Variants in FRAS1 observed in about 807,000 individuals in gnomAD.
FRAS1 encodes extracellular matrix organizing protein FRAS1.
A neutral mutation model predicts 435.2 loss-of-function variants in FRAS1; 290 were observed. The ratio of observed to expected loss-of-function variants is 0.67; its 90% CI spans 0.61 to 0.73. FRAS1 has a LOEUF of 0.73. Among genes scored for constraint, FRAS1 ranks in the 30% least tolerant of loss-of-function variants. The pLI, the probability that FRAS1 is intolerant of heterozygous loss-of-function variation, is 0.00. For synonymous variants in FRAS1, 1,800 were observed against 1,851.0 expected, an observed-to-expected ratio of 0.97 and a Z score of 0.71; for missense variants, 4,860 against 5,001.5, an observed-to-expected ratio of 0.97 and a Z score of 0.85.
At chr4:78,424,481 C>G in intron 35 of FRAS1, 61 bp downstream of exon 35, 1 of 774,170 alleles carries the variant, frequency 1.3e-6, no homozygotes, top group Non-Finnish European at 2.0e-6. Flanking sequence ...TTAGTTCTTT[C>G]TTTTTGTTCC....
chr4:78,392,988 G>A (rs1322938655), intron 29 of FRAS1, among the ~76,000 whole-genome samples: 1 of 149,448 alleles, frequency 6.7e-6, no homozygotes, highest in Non-Finnish European at 1.5e-5. Flanking sequence ...CATGATGAGT[G>A]GGAAGATTCA....
Position 78,511,466 on chromosome 4 carries a change from T to G in FRAS1, c.9973T>G (p.Leu3325Val). ...GFQAQSFIAT[L>V]KYLDVKHKEH... ...CCAGGCTCAGTCCTTCATCGCAACC[T>G]TGAAATACCTGGATGTCAAACATAA... The change falls in exon 64 of 74, where the codon TTG (leucine) becomes GTG (valine). Residue 3325 changes from leucine to valine, a missense_variant. By Grantham distance (32) the Leu-to-Val change is conservative. Coordinates refer to ENST00000512123, the MANE Select transcript of FRAS1 (RefSeq NM_025074.7). 1.9e-6 allele frequency: 3 copies of G among 1,613,886 alleles called. No homozygotes were observed. The highest frequency in any genetic ancestry group is 2.5e-6 in the Non-Finnish European group (3 of 1,179,858).
chr4:78,178,594 C>T (rs1721872217), intron 2 of FRAS1, among the ~76,000 whole-genome samples: 1 of 152,200 alleles, frequency 6.6e-6, no homozygotes, highest in South Asian at 2.1e-4. Context: ...CAGCTGAGAT[C>T]TTAATCCAAT....
chr4:78,384,356 TATAGTC>T (rs1250911619), intron 28 of FRAS1, among the ~76,000 whole-genome samples: 1 of 152,240 alleles, frequency 6.6e-6, no homozygotes, highest in Non-Finnish European at 1.5e-5. Flanking sequence ...TACTTAGTGT[TATAGTC>T]TTAGTGTTTC....
chr4:78,380,911 A>T (rs543500773), intron 27 of FRAS1, among the ~76,000 whole-genome samples: 1 of 152,348 alleles, frequency 6.6e-6, no homozygotes, highest in Non-Finnish European at 1.5e-5. Flanking sequence ...AGATCATATT[A>T]TAGGAATAAG....
chr4:78,505,236 G>A (rs1720798190), intron 61 of FRAS1, among the ~76,000 whole-genome samples: 1 of 152,122 alleles, frequency 6.6e-6, no homozygotes, highest in South Asian at 2.1e-4. Context: ...GTACCTTTGT[G>A]ATGTTCTCTG....
Position 78,317,475 on chromosome 4 carries a change from G to A in FRAS1, c.1927G>A (p.Glu643Lys). 4 of 1,613,836 alleles carry A rather than the reference G, an allele frequency of 2.5e-6. No individual in the cohort carries two copies. The highest frequency in any genetic ancestry group is 3.4e-6 in the Non-Finnish European group (4 of 1,179,840). ...RQGHCLPRCG[E>K]GFYSDHGVCK... The stretch of plus-strand genomic sequence containing the variant: ...AGGCCACTGTCTGCCCCGCTGTGGA[G>A]AGGGTTTCTACTCTGACCATGGAGT... The change falls in exon 17 of 74, where the codon GAG becomes AAG. Residue 643 changes from glutamate to lysine, a missense_variant. Glu to Lys is a moderately conservative substitution (Grantham distance 56). Coordinates refer to ENST00000512123, the MANE Select transcript of FRAS1 (RefSeq NM_025074.7).
intron 23 of FRAS1, among the ~76,000 whole-genome samples, chr4:78,370,260 T>C (rs536757591): frequency 1.3e-5 from 2 of 152,356 alleles, no homozygotes; most frequent in South Asian, 4.1e-4. Context: ...AGGTTATATA[T>C]GGCCCATAGA....
rs762724773 is a variant in FRAS1 at position 78,255,363 on chromosome 4, A to G, written c.591A>G (p.Leu197=). Residue 197 remains leucine (L), a synonymous_variant, in exon 6 of 74, where the codon CTA becomes CTG. Coordinates refer to ENST00000512123, the MANE Select transcript of FRAS1 (RefSeq NM_025074.7). ...AQCFTAQCQP[L]FCNQDETVVR... Reference sequence around the variant, plus strand: ...GCTTCACAGCTCAGTGTCAGCCTCTATTTTGTAACCAGGTAAGGAAGACAA... The same window carrying G: ...GCTTCACAGCTCAGTGTCAGCCTCTGTTTTGTAACCAGGTAAGGAAGACAA... The G allele has an allele frequency of 5.0e-6, 8 of 1,593,310 alleles. No individual in the cohort carries two copies. The highest frequency in any genetic ancestry group is 1.7e-5 in the Admixed American group (1 of 57,152).
chr4:78,542,148 A>G lies in FRAS1; in HGVS notation c.*1024A>G, dbSNP rs1722076358. 1 of 152,168 alleles carries G rather than the reference A, an allele frequency of 6.6e-6. No individual in the cohort carries two copies. The allele number at this position is 152,168 out of a possible 1,614,324, so 9.4% of individuals were successfully genotyped here. ...AGGAGAAAGCCCAGGTTGGGGTGAA[A>G]TCAGACTTAACAGATACATGCTGGT... On this transcript the variant is annotated 3_prime_UTR_variant, in exon 74 of 74. Coordinates refer to ENST00000512123, the MANE Select transcript of FRAS1 (RefSeq NM_025074.7).
Position 78,386,500 on chromosome 4 carries a change from A to C in FRAS1, c.3649-875A>C, listed in dbSNP as rs146841237. On this transcript the variant is annotated intron_variant, in intron 28 of 73. Transcript: ENST00000512123. ...GATGTATTAGACATTCCTTTAATAG[A>C]GATTGTAATTTCCAGGAGGCCAGGA... 5.9e-4 allele frequency among the ~76,000 whole-genome samples: 90 copies of C among 152,296 alleles called. No individual in the cohort carries two copies. The East Asian group carries it at 0.017, about 29-fold the overall frequency.
chr4:78,357,765 C>T lies in FRAS1; in HGVS notation c.2423-5748C>T, dbSNP rs1001907338. Among the ~76,000 whole-genome samples the T allele has an allele frequency of 6.6e-5, 10 of 151,968 alleles. 1 individual carries two copies. The East Asian group carries it at 1.7e-3, about 26-fold the overall frequency. On this transcript the variant is annotated intron_variant, in intron 20 of 73. Coordinates refer to ENST00000512123, the MANE Select transcript of FRAS1 (RefSeq NM_025074.7). The stretch of plus-strand genomic sequence containing the variant: ...GAAAAATAAAAGAATTAGGCGGACC[C>T]GGTGGTACACACCTATAGGTCCAGC...
At chr4:78,434,895 T>C (rs1734355701) in intron 38 of FRAS1, among the ~76,000 whole-genome samples, 1 of 151,998 alleles carries the variant, frequency 6.6e-6, no homozygotes, top group Admixed American at 6.6e-5. Context: ...ACGTATTAAA[T>C]AAATGAAAAG....
intron 2 of FRAS1, among the ~76,000 whole-genome samples, chr4:78,228,683 G>T (rs1470634304): frequency 2.0e-5 from 3 of 152,164 alleles, no homozygotes; most frequent in African/African-American, 7.2e-5. Flanking sequence ...TTGGAAGCTG[G>T]AAATTCCAGC....
At chr4:78,304,246 G>C (rs1164483422) in intron 14 of FRAS1, among the ~76,000 whole-genome samples, 2 of 152,130 alleles carry the variant, frequency 1.3e-5, no homozygotes, top group Non-Finnish European at 2.9e-5. Flanking sequence ...TGTGCTGCTG[G>C]ATTTGGTTTG....
At chr4:78,336,868 A>G (rs1730189454) in intron 19 of FRAS1, among the ~76,000 whole-genome samples, 1 of 152,132 alleles carries the variant, frequency 6.6e-6, no homozygotes, top group Non-Finnish European at 1.5e-5. Context: ...ATCTGCTTCC[A>G]TGTGCTTGCT....
In FRAS1 at chr4:78,222,529, G is replaced by A. The variant is rs116122196; in HGVS notation, c.109-14981G>A. Among the ~76,000 whole-genome samples the A allele has an allele frequency of 7.1e-3, 1,081 of 152,330 alleles. 7 individuals carry two copies. The highest frequency in any genetic ancestry group is 9.8e-3 in the Non-Finnish European group (666 of 68,026). On this transcript the variant is annotated intron_variant, in intron 2 of 73. Transcript: ENST00000512123. ...TTTGCCTTTGCATGTATATGCTGGC[G>A]ATGCTAATAAGTCCCAGCTAGACCT...
intron 55 of FRAS1, 97 bp downstream of exon 55, chr4:78,478,158 A>AC (rs1164036254): frequency 7.6e-7 from 1 of 1,313,130 alleles, no homozygotes; most frequent in Non-Finnish European, 1.0e-6. Context: ...CATTATCTTA[A>AC]CTCACATGTG....
chr4:78,315,826 A>C (rs1010552265), intron 16 of FRAS1, 92 bp downstream of exon 16: 31 of 1,360,936 alleles, frequency 2.3e-5, no homozygotes, highest in African/African-American at 2.9e-5. Flanking sequence ...TGGGAACTCG[A>C]GTGTATGATG....
Sources: allele counts gnomAD v4.1 joint callset (sites outside exome capture counted in the v4.1 genomes callset), GRCh38; gene constraint gnomAD v4.1.1; transcripts MANE v1.5; gene names NCBI Gene and HGNC (gene_info 2026-07-23, HGNC 2026-07-21).